KCNIP4: variants seen among roughly 807,000 people sequenced by gnomAD.
The protein encoded by KCNIP4 is potassium voltage-gated channel interacting protein 4, also known as Kv channel-interacting protein 4.
Under a neutral mutation model 34.0 loss-of-function variants are expected in KCNIP4, and 12 were observed. That is an observed-to-expected ratio of 0.35 (90% CI 0.23 to 0.57). KCNIP4 has a LOEUF of 0.57. KCNIP4 is among the 20% of genes least tolerant of loss of function. The pLI, the probability that KCNIP4 is intolerant of heterozygous loss-of-function variation, is 0.83. For missense variants in KCNIP4, 238 were observed against 311.7 expected, an observed-to-expected ratio of 0.76 and a Z score of 1.78; for synonymous variants, 124 against 102.2, an observed-to-expected ratio of 1.21 and a Z score of -1.29.
intron 1 of KCNIP4, among the ~76,000 whole-genome samples, chr4:21,330,853 T>G (rs1715559662): frequency 6.6e-6 from 1 of 152,174 alleles, no homozygotes; most frequent in Non-Finnish European, 1.5e-5. Context: ...CTTTTTGAAA[T>G]AAAGCTTCTC....
chr4:21,549,078 G>A (rs1274992466), intron 1 of KCNIP4, among the ~76,000 whole-genome samples: 1 of 151,452 alleles, frequency 6.6e-6, no homozygotes, highest in Non-Finnish European at 1.5e-5. Flanking sequence ...TGTCCCCTGG[G>A]GCCAAAAGCA....
Position 21,101,228 on chromosome 4 carries a change from G to T in KCNIP4, c.62-218519C>A, listed in dbSNP as rs554780541. On this transcript the variant is annotated intron_variant, in intron 1 of 8. Transcript: ENST00000382152. ...GAATATGTGGTATTTGACTTGCTGG[G>T]TTATTTCACTTAGGATAATGGCCTC... Among the ~76,000 whole-genome samples the T allele has an allele frequency of 2.6e-5, 4 of 152,214 alleles. No homozygotes were observed. In the South Asian group the frequency reaches 8.3e-4, roughly 32 times the overall value.
At chr4:20,981,339 A>C (rs900452906) in intron 1 of KCNIP4, among the ~76,000 whole-genome samples, 6 of 152,208 alleles carry the variant, frequency 3.9e-5, no homozygotes, top group African/African-American at 1.4e-4. Context: ...TTGAGGTCAG[A>C]GCCTTGTAGA....
chr4:20,764,385 C>G (rs896649404), intron 3 of KCNIP4, among the ~76,000 whole-genome samples: 1 of 151,888 alleles, frequency 6.6e-6, no homozygotes, highest in Non-Finnish European at 1.5e-5. Flanking sequence ...ATAATGCATC[C>G]ATTGAACTTA....
At chr4:21,253,544 A>G (rs959665017) in intron 1 of KCNIP4, among the ~76,000 whole-genome samples, 1 of 152,198 alleles carries the variant, frequency 6.6e-6, no homozygotes, top group Non-Finnish European at 1.5e-5. Flanking sequence ...ACTCAGCCCT[A>G]TAGAGGAATG....
intron 1 of KCNIP4, among the ~76,000 whole-genome samples, chr4:21,343,349 A>AAAAT (rs1267775411): frequency 6.6e-6 from 1 of 152,120 alleles, no homozygotes; most frequent in Non-Finnish European, 1.5e-5. Context: ...AGAGAGAAAA[A>AAAAT]AAATAAGAAA....
At chr4:21,415,753 C>T (rs755152770) in intron 1 of KCNIP4, among the ~76,000 whole-genome samples, 1 of 151,878 alleles carries the variant, frequency 6.6e-6, no homozygotes, top group African/African-American at 2.4e-5. Flanking sequence ...GAGTAGTTCT[C>T]ATTTTAAATG....
intron 1 of KCNIP4, among the ~76,000 whole-genome samples, chr4:21,897,748 C>T (rs1211140225): frequency 6.6e-6 from 1 of 152,166 alleles, no homozygotes; most frequent in Non-Finnish European, 1.5e-5. Flanking sequence ...CCCACAGGAA[C>T]TCCAAATTGA....
At chr4:21,147,962 A>AAAAAAAAAAAAAAAAAAAAAAAAG (rs1553945858) in intron 1 of KCNIP4, among the ~76,000 whole-genome samples, 17 of 123,908 alleles carry the variant, frequency 1.4e-4, no homozygotes, top group East Asian at 2.6e-4. Flanking sequence ...AAAAAAAAAG[A>AAAAAAAAAAAAAAAAAAAAAAAAG]AAAAAAGTTC....
intron 1 of KCNIP4, among the ~76,000 whole-genome samples, chr4:21,837,831 T>C (rs1432237934): frequency 6.6e-6 from 1 of 152,136 alleles, no homozygotes; most frequent in East Asian, 1.9e-4. Flanking sequence ...TTATCTGCCA[T>C]TGCTAGTGAA....
chr4:21,207,354 T>C (rs948704194), intron 1 of KCNIP4, among the ~76,000 whole-genome samples: 1 of 152,202 alleles, frequency 6.6e-6, no homozygotes, highest in Non-Finnish European at 1.5e-5. Context: ...AATAAAACAC[T>C]TCAAAATATT....
At chr4:21,029,225 T>C (rs1740802411) in intron 1 of KCNIP4, among the ~76,000 whole-genome samples, 1 of 152,174 alleles carries the variant, frequency 6.6e-6, no homozygotes, top group African/African-American at 2.4e-5. Flanking sequence ...GAAGACAGTA[T>C]AGAGACACTA....
intron 1 of KCNIP4, among the ~76,000 whole-genome samples, chr4:21,684,402 T>C (rs1750653808): frequency 6.6e-6 from 1 of 152,216 alleles, no homozygotes; most frequent in Non-Finnish European, 1.5e-5. Flanking sequence ...TCACTGGTAA[T>C]ACTTGAAGAT....
chr4:20,909,270 T>C (rs1257963865), intron 1 of KCNIP4, among the ~76,000 whole-genome samples: 1 of 152,188 alleles, frequency 6.6e-6, no homozygotes, highest in Non-Finnish European at 1.5e-5. Flanking sequence ...TTCTTCACTG[T>C]TTTCCATAGA....
chr4:21,837,271 C>T (rs1305674857), intron 1 of KCNIP4, among the ~76,000 whole-genome samples: 3 of 150,152 alleles, frequency 2.0e-5, no homozygotes, highest in Admixed American at 6.6e-5. Context: ...CGGTGGCTCA[C>T]GCCTGTAATC....
chr4:21,339,369 G>T (rs577620331), intron 1 of KCNIP4, among the ~76,000 whole-genome samples: 2 of 152,322 alleles, frequency 1.3e-5, no homozygotes, highest in East Asian at 3.9e-4. Flanking sequence ...GAATGATACA[G>T]TTTAGACGTA....
chr4:20,943,851 A>C (rs1397229040), intron 1 of KCNIP4, among the ~76,000 whole-genome samples: 2 of 152,228 alleles, frequency 1.3e-5, no homozygotes, highest in African/African-American at 4.8e-5. Flanking sequence ...AATTATTGAC[A>C]ATTTTGATTT....
At chr4:21,911,901 T>C (rs1256385633) in intron 1 of KCNIP4, among the ~76,000 whole-genome samples, 1 of 152,122 alleles carries the variant, frequency 6.6e-6, no homozygotes, top group Non-Finnish European at 1.5e-5. Context: ...AAAATTCCCT[T>C]TACATCTGAA....
intron 1 of KCNIP4, among the ~76,000 whole-genome samples, chr4:21,258,850 T>C (rs1761257995): frequency 1.3e-5 from 2 of 152,174 alleles, no homozygotes. Context: ...TCATTTAGCT[T>C]AGCTTAGACA....
Sources: allele counts gnomAD v4.1 joint callset (sites outside exome capture counted in the v4.1 genomes callset), GRCh38; gene constraint gnomAD v4.1.1; transcripts MANE v1.5; gene names NCBI Gene and HGNC (gene_info 2026-07-23, HGNC 2026-07-21).